The following AP1AR variants were observed in gnomAD, a reference collection of about 807,000 sequenced individuals.
AP1AR encodes AP-1 complex-associated regulatory protein.
Under a neutral mutation model 46.3 loss-of-function variants are expected in AP1AR, and 29 were observed. The ratio of observed to expected loss-of-function variants is 0.63; its 90% CI spans 0.47 to 0.85. AP1AR has a LOEUF of 0.85. AP1AR is among the 40% of genes least tolerant of loss of function. AP1AR has a pLI of 0.00. For missense variants in AP1AR, 357 were observed against 356.3 expected (o/e 1.00, Z -0.02); for synonymous variants, 122 against 122.9 (o/e 0.99, Z 0.05).
At chr4:112,241,776 G>T (rs562959170) in intron 1 of AP1AR, among the ~76,000 whole-genome samples, 7 of 152,108 alleles carry the variant, frequency 4.6e-5, no homozygotes, top group Non-Finnish European at 1.0e-4. Context: ...TATCCCTTAA[G>T]ATTTGAGTGG....
chr4:112,243,125 G>A (rs1326599854), intron 1 of AP1AR, among the ~76,000 whole-genome samples: 5 of 152,128 alleles, frequency 3.3e-5, no homozygotes, highest in African/African-American at 4.8e-5. Flanking sequence ...ATTCATGAAC[G>A]TTAAATGCAC....
In AP1AR at chr4:112,271,793, A is replaced by G. The variant is rs961725821; in HGVS notation, c.*3384A>G. ...GGGATATATGTCTGCAGCCCAAGAA[A>G]GAGGTCTAGGTTCAAGTTTGGGAGT... On this transcript the variant is annotated 3_prime_UTR_variant, in exon 10 of 10. Transcript: ENST00000274000. Among the ~76,000 whole-genome samples, 3 of 152,202 alleles carry G rather than the reference A, an allele frequency of 2.0e-5. No homozygotes were observed. The highest frequency in any genetic ancestry group is 4.4e-5 in the Non-Finnish European group (3 of 68,046).
intron 4 of AP1AR, among the ~76,000 whole-genome samples, chr4:112,258,197 G>A (rs1444700539): frequency 6.6e-6 from 1 of 151,868 alleles, no homozygotes; most frequent in African/African-American, 2.4e-5. Flanking sequence ...AATTATTTAA[G>A]CAGCTTTTAA....
At chr4:112,260,187 T>C (rs17667305) in intron 4 of AP1AR, among the ~76,000 whole-genome samples, 94,045 of 151,972 alleles carry the variant, frequency 0.62, 30,776 homozygotes, top group African/African-American at 0.83. Context: ...GATAGGAGTG[T>C]AAGAAGGTGA....
chr4:112,260,682 C>T (rs1726401687), intron 4 of AP1AR, 84 bp from the exon 5 acceptor site: 2 of 831,358 alleles, frequency 2.4e-6, no homozygotes, highest in South Asian at 2.6e-5. Context: ...GAGAATTTCA[C>T]TGGCTTTTTG....
chr4:112,231,936 C>A lies in AP1AR; in HGVS notation c.-156C>A. On this transcript the variant is annotated 5_prime_UTR_variant, in exon 1 of 10. Coordinates refer to ENST00000274000, the MANE Select transcript of AP1AR (RefSeq NM_018569.6). Reference sequence around the variant, plus strand: ...CTTTGTTCCCTAGCGCCTCGTCTTTCGTCGCCCCGTGCCCTCACGCCGCCG... The same window carrying A: ...CTTTGTTCCCTAGCGCCTCGTCTTTAGTCGCCCCGTGCCCTCACGCCGCCG... 1 of 533,698 alleles carries A rather than the reference C, an allele frequency of 1.9e-6. No homozygotes were observed. Among genetic ancestry groups the A allele is most frequent in the Non-Finnish European group, 2.9e-6 (1 of 342,388 alleles). The allele number at this position is 533,698 out of a possible 1,614,324, so 33.1% of individuals were successfully genotyped here.
intron 4 of AP1AR, among the ~76,000 whole-genome samples, chr4:112,258,111 C>T (rs1169831144): frequency 1.3e-5 from 2 of 152,056 alleles, no homozygotes. Flanking sequence ...TTGCCCCTTT[C>T]TTTCCTTATG....
intron 3 of AP1AR, among the ~76,000 whole-genome samples, chr4:112,255,886 A>C (rs1252884642): frequency 6.6e-6 from 1 of 152,214 alleles, no homozygotes; most frequent in Non-Finnish European, 1.5e-5. Flanking sequence ...AACTTCACTA[A>C]ATTAATTGTG....
At chr4:112,267,775 A>G (rs1353018064) in intron 9 of AP1AR, among the ~76,000 whole-genome samples, 1 of 151,938 alleles carries the variant, frequency 6.6e-6, no homozygotes, top group African/African-American at 2.4e-5. Context: ...ATTCTCTGGG[A>G]AATGAAATTA....
rs568190343 is a variant in AP1AR at position 112,241,262 on chromosome 4, C to A, written c.83+9088C>A. On this transcript the variant is annotated intron_variant, in intron 1 of 9. Transcript: ENST00000274000. ...TACTACCTGTATTAGTCAGGGTTCT[C>A]CAGAGAAATGGAACCAGTAGGAGAT... 4.1e-4 allele frequency among the ~76,000 whole-genome samples: 63 copies of A among 152,168 alleles called. 1 individual carries two copies. In the South Asian group the frequency reaches 0.013, roughly 32 times the overall value.
chr4:112,261,446 A>G (rs1726437799), intron 5 of AP1AR, among the ~76,000 whole-genome samples: 1 of 152,088 alleles, frequency 6.6e-6, no homozygotes, highest in South Asian at 2.1e-4. Context: ...AGGAAACAAC[A>G]ACAAAAGCAA....
chr4:112,267,054 A>C (rs1376200136), intron 9 of AP1AR, among the ~76,000 whole-genome samples: 1 of 151,910 alleles, frequency 6.6e-6, no homozygotes, highest in Non-Finnish European at 1.5e-5. Flanking sequence ...CTTAGAAATA[A>C]ATCCACAGAA....
At chr4:112,261,213 G>T (rs1726426770) in intron 5 of AP1AR, among the ~76,000 whole-genome samples, 1 of 152,284 alleles carries the variant, frequency 6.6e-6, no homozygotes, top group Admixed American at 6.5e-5. Flanking sequence ...CAGACAGATT[G>T]CTTGAGCCCA....
chr4:112,261,709 C>CTGTA (rs1405593059), intron 5 of AP1AR, among the ~76,000 whole-genome samples: 2 of 151,804 alleles, frequency 1.3e-5, no homozygotes, highest in Non-Finnish European at 2.9e-5. Context: ...TTTGGGAGAC[C>CTGTA]TGTAGTTCCA....
chr4:112,235,325 T>G (rs946443797), intron 1 of AP1AR, among the ~76,000 whole-genome samples: 11 of 152,214 alleles, frequency 7.2e-5, no homozygotes, highest in African/African-American at 2.7e-4. Flanking sequence ...TATTTCTATA[T>G]TACTGTATAA....
At chr4:112,261,566 A>C (rs1726443965) in intron 5 of AP1AR, among the ~76,000 whole-genome samples, 1 of 152,218 alleles carries the variant, frequency 6.6e-6, no homozygotes. Flanking sequence ...TGTTAAAGTT[A>C]TTTAATGTGT....
intron 6 of AP1AR, among the ~76,000 whole-genome samples, chr4:112,264,519 G>C (rs1726589996): frequency 1.3e-5 from 2 of 152,124 alleles, no homozygotes; most frequent in Non-Finnish European, 2.9e-5. Context: ...ATAGCTAATA[G>C]CTATCAGAGC....
At chr4:112,252,584 T>C (rs1315109389) in intron 1 of AP1AR, among the ~76,000 whole-genome samples, 3 of 152,234 alleles carry the variant, frequency 2.0e-5, no homozygotes, top group African/African-American at 7.2e-5. Context: ...ATAAGTTTAA[T>C]AGGAGCAGGA....
intron 1 of AP1AR, among the ~76,000 whole-genome samples, chr4:112,245,270 G>A (rs1338934367): frequency 1.3e-5 from 2 of 152,030 alleles, no homozygotes; most frequent in African/African-American, 4.8e-5. Context: ...TGCTCTAAAA[G>A]CATATAATGT....
Sources: allele counts gnomAD v4.1 joint callset (sites outside exome capture counted in the v4.1 genomes callset), GRCh38; gene constraint gnomAD v4.1.1; transcripts MANE v1.5; gene names NCBI Gene and HGNC (gene_info 2026-07-23, HGNC 2026-07-21).